Variants in CNTNAP2 observed in about 807,000 individuals in gnomAD.
CNTNAP2 encodes contactin associated protein 2.
CNTNAP2 carries 98 observed loss-of-function variants against 155.2 expected under a neutral mutation model. The ratio of observed to expected loss-of-function variants is 0.63; its 90% CI spans 0.54 to 0.75. The LOEUF is 0.75. Ranked by LOEUF, CNTNAP2 falls within the 30% of genes least tolerant of loss-of-function variation. CNTNAP2 has a pLI of 0.00. For missense variants in CNTNAP2, 1,727 were observed against 1,688.1 expected, an observed-to-expected ratio of 1.02 and a Z score of -0.40; for synonymous variants, 651 against 631.2, an observed-to-expected ratio of 1.03 and a Z score of -0.47.
intron 3 of CNTNAP2, among the ~76,000 whole-genome samples, chr7:146,985,329 T>G (rs1438640583): frequency 3.5e-4 from 24 of 68,952 alleles, no homozygotes; most frequent in Non-Finnish European, 1.5e-4. Context: ...TTTTTTTTTT[T>G]TTTTTTTTGA....
intron 1 of CNTNAP2, among the ~76,000 whole-genome samples, chr7:146,577,843 GA>G (rs1367545536): frequency 1.3e-5 from 2 of 151,904 alleles, no homozygotes; most frequent in Non-Finnish European, 2.9e-5. Flanking sequence ...AAAAGAAAGT[GA>G]AAAAAAGTGA....
chr7:146,542,838 G>T (rs553513785), intron 1 of CNTNAP2, among the ~76,000 whole-genome samples: 1 of 152,034 alleles, frequency 6.6e-6, no homozygotes, highest in South Asian at 2.1e-4. Context: ...CCAATTTGGA[G>T]TGAAGTTAAT....
intron 17 of CNTNAP2, among the ~76,000 whole-genome samples, chr7:148,156,175 G>A (rs374543493): frequency 1.3e-5 from 2 of 152,332 alleles, no homozygotes; most frequent in East Asian, 3.9e-4. Flanking sequence ...TAATGCAAAA[G>A]CACTCTTCTC....
chr7:147,944,737 G>A (rs1211026879), intron 14 of CNTNAP2, among the ~76,000 whole-genome samples: 1 of 152,106 alleles, frequency 6.6e-6, no homozygotes, highest in Non-Finnish European at 1.5e-5. Context: ...ACACTTAAAG[G>A]GTTGTAGGGA....
intron 1 of CNTNAP2, among the ~76,000 whole-genome samples, chr7:146,284,379 T>C (rs901422814): frequency 2.0e-5 from 3 of 151,900 alleles, no homozygotes; most frequent in African/African-American, 7.2e-5. Flanking sequence ...ATATATTATA[T>C]ATTAAATTAC....
intron 14 of CNTNAP2, among the ~76,000 whole-genome samples, chr7:147,975,691 A>C (rs886420975): frequency 1.3e-5 from 2 of 152,190 alleles, no homozygotes; most frequent in African/African-American, 4.8e-5. Context: ...CTGTTACAAT[A>C]AATAAATTGA....
At chr7:146,393,050 G>A (rs1375472079) in intron 1 of CNTNAP2, among the ~76,000 whole-genome samples, 1 of 152,104 alleles carries the variant, frequency 6.6e-6, no homozygotes, top group Non-Finnish European at 1.5e-5. Flanking sequence ...GAATGACAGA[G>A]CATCAATGAA....
At chr7:147,484,991 T>C (rs1249283625) in intron 10 of CNTNAP2, among the ~76,000 whole-genome samples, 1 of 152,110 alleles carries the variant, frequency 6.6e-6, no homozygotes, top group Non-Finnish European at 1.5e-5. Context: ...AATCAGGTTG[T>C]GGGGTAGATG....
intron 1 of CNTNAP2, among the ~76,000 whole-genome samples, chr7:146,297,385 AT>A (rs1276881100): frequency 6.6e-6 from 1 of 152,040 alleles, no homozygotes; most frequent in Non-Finnish European, 1.5e-5. Flanking sequence ...TTTTATTGCC[AT>A]TTTGGGAGAC....
chr7:147,360,494 C>T (rs1293657903), intron 9 of CNTNAP2, among the ~76,000 whole-genome samples: 1 of 152,040 alleles, frequency 6.6e-6, no homozygotes, highest in Non-Finnish European at 1.5e-5. Flanking sequence ...ATTTATTGTG[C>T]ATCTGTAATT....
At chr7:148,125,561 T>C (rs1361526736) in intron 16 of CNTNAP2, among the ~76,000 whole-genome samples, 2 of 152,128 alleles carry the variant, frequency 1.3e-5, no homozygotes, top group East Asian at 3.9e-4. Context: ...GCAAAGGACA[T>C]TATCTCATTC....
chr7:148,353,054 A>G (rs1730433), intron 21 of CNTNAP2, among the ~76,000 whole-genome samples: 50,143 of 152,126 alleles, frequency 0.33, 8,964 homozygotes, highest in Non-Finnish European at 0.41. Flanking sequence ...AGACAGTAGT[A>G]TGCACTGTGA....
chr7:147,823,067 C>A (rs1338900544), intron 13 of CNTNAP2, among the ~76,000 whole-genome samples: 1 of 152,116 alleles, frequency 6.6e-6, no homozygotes. Context: ...TATTTGACTC[C>A]CTTTACTGAC....
intron 1 of CNTNAP2, among the ~76,000 whole-genome samples, chr7:146,752,488 GT>G (rs1193913675): frequency 6.6e-6 from 1 of 152,042 alleles, no homozygotes; most frequent in Non-Finnish European, 1.5e-5. Context: ...CTTTTAATTT[GT>G]TTAAGTTTCT....
chr7:147,464,690 A>T (rs1798083762), intron 10 of CNTNAP2, among the ~76,000 whole-genome samples: 1 of 152,158 alleles, frequency 6.6e-6, no homozygotes, highest in Non-Finnish European at 1.5e-5. Context: ...AACCCAGGAG[A>T]AGTGAACAGA....
chr7:146,664,308 C>T (rs1407810066), intron 1 of CNTNAP2, among the ~76,000 whole-genome samples: 3 of 151,670 alleles, frequency 2.0e-5, no homozygotes, highest in African/African-American at 4.8e-5. Flanking sequence ...ACTACAGGCA[C>T]GTGCCACCAT....
intron 21 of CNTNAP2, among the ~76,000 whole-genome samples, chr7:148,370,032 C>A (rs903388983): frequency 3.9e-5 from 6 of 152,102 alleles, no homozygotes; most frequent in African/African-American, 1.4e-4. Flanking sequence ...GTCTTTAAAT[C>A]CCATTTGGGA....
At chr7:147,029,248 C>T (rs547833997) in intron 3 of CNTNAP2, among the ~76,000 whole-genome samples, 30 of 152,024 alleles carry the variant, frequency 2.0e-4, no homozygotes, top group Non-Finnish European at 3.8e-4. Flanking sequence ...CAGGCGTGAG[C>T]CACTGCGCCG....
chr7:148,230,011 C>T (rs1217480416), intron 20 of CNTNAP2, among the ~76,000 whole-genome samples: 4 of 152,178 alleles, frequency 2.6e-5, no homozygotes, highest in East Asian at 1.9e-4. Context: ...ATGTTTATTC[C>T]GTATAGTCTT....
Sources: allele counts gnomAD v4.1 joint callset (sites outside exome capture counted in the v4.1 genomes callset), GRCh38; gene constraint gnomAD v4.1.1; transcripts MANE v1.5; gene names NCBI Gene and HGNC (gene_info 2026-07-23, HGNC 2026-07-21).